The following NR5A2 variants were observed in gnomAD, a reference collection of about 807,000 sequenced individuals.
NR5A2 encodes nuclear receptor subfamily 5 group A member 2, also known as CYP7A promoter-binding factor.
In NR5A2, 26 loss-of-function variants were observed where a neutral mutation model predicts 62.7. The ratio of observed to expected loss-of-function variants is 0.41; its 90% CI spans 0.30 to 0.58. NR5A2 has a LOEUF of 0.58. Among genes scored for constraint, NR5A2 ranks in the 20% least tolerant of loss-of-function variants. The pLI is 0.22. For synonymous variants in NR5A2, 246 were observed against 241.7 expected, an observed-to-expected ratio of 1.02 and a Z score of -0.16; for missense variants, 541 against 669.1, an observed-to-expected ratio of 0.81 and a Z score of 2.11.
At chr1:200,075,476 T>G (rs1291349262) in intron 5 of NR5A2, among the ~76,000 whole-genome samples, 2 of 152,260 alleles carry the variant, frequency 1.3e-5, no homozygotes, top group Non-Finnish European at 2.9e-5. Context: ...TTCAGCAATA[T>G]GCAAATTAAT....
chr1:200,123,501 C>A (rs1413937072), intron 7 of NR5A2, among the ~76,000 whole-genome samples: 1 of 152,154 alleles, frequency 6.6e-6, no homozygotes, highest in Non-Finnish European at 1.5e-5. Flanking sequence ...TCAACACATA[C>A]TCATTGAGTG....
In NR5A2 at chr1:200,066,654, C is replaced by A. The variant is rs181380771; in HGVS notation, c.1110+17836C>A. 1.9e-3 allele frequency among the ~76,000 whole-genome samples: 254 copies of A among 136,662 alleles called. 1 individual carries two copies. Among genetic ancestry groups the A allele is most frequent in the African/African-American group, 7.0e-3 (233 of 33,500 alleles). 89.7% of individuals were successfully genotyped at this position (136,662 alleles called of 152,430 possible). ...CCAGGCTGGGGTGCAATGGCACGATCTCGGCTCACAGCAACCTCTGCCTCC... is the reference window on the plus strand; with the variant it reads ...CCAGGCTGGGGTGCAATGGCACGATATCGGCTCACAGCAACCTCTGCCTCC... On this transcript the variant is annotated intron_variant, in intron 5 of 7. Transcript: ENST00000367362.
At chr1:200,072,184 A>G (rs558192154) in intron 5 of NR5A2, among the ~76,000 whole-genome samples, 2 of 152,096 alleles carry the variant, frequency 1.3e-5, no homozygotes, top group South Asian at 2.1e-4. Context: ...ATACTGGGAA[A>G]CCCTATTGGT....
chr1:200,134,281 C>A (rs891936685), intron 7 of NR5A2, among the ~76,000 whole-genome samples: 2 of 152,178 alleles, frequency 1.3e-5, no homozygotes, highest in South Asian at 2.1e-4. Context: ...CCTGTACCTT[C>A]CCACTCACTC....
intron 5 of NR5A2, among the ~76,000 whole-genome samples, chr1:200,067,288 GGCTCAC>G (rs1423309562): frequency 6.6e-6 from 1 of 152,322 alleles, no homozygotes; most frequent in East Asian, 1.9e-4. Flanking sequence ...TGAGCGCGGT[GGCTCAC>G]GCCTGTAATC....
intron 7 of NR5A2, among the ~76,000 whole-genome samples, chr1:200,168,357 A>G (rs908151336): frequency 6.6e-6 from 1 of 152,022 alleles, no homozygotes; most frequent in Non-Finnish European, 1.5e-5. Context: ...CTACAGGCAC[A>G]CACCACCACA....
rs1289085952 is a variant in NR5A2, at chr1:200,176,068, A to G, written c.*1858A>G. On this transcript the variant is annotated 3_prime_UTR_variant, in exon 8 of 8. Transcript: ENST00000367362. ...AATTAGTGGAACTTAGTTCAGGGACATAGAAGAGTCTTAATGAATTAAAAT... is the reference window on the plus strand; with the variant it reads ...AATTAGTGGAACTTAGTTCAGGGACGTAGAAGAGTCTTAATGAATTAAAAT... 2.6e-5 allele frequency: 4 copies of G among 152,702 alleles called. No individual in the cohort carries two copies. Among genetic ancestry groups the G allele is most frequent in the African/African-American group, 9.6e-5 (4 of 41,480 alleles). 9.5% of individuals were successfully genotyped at this position (152,702 alleles called of 1,614,324 possible).
intron 7 of NR5A2, among the ~76,000 whole-genome samples, chr1:200,169,541 C>T (rs1371432105): frequency 3.3e-5 from 5 of 152,066 alleles, no homozygotes; most frequent in Admixed American, 6.5e-5. Flanking sequence ...AAAGTCAGTA[C>T]TATAATATAT....
chr1:200,097,658 A>G lies in NR5A2; in HGVS notation c.1111-13544A>G, dbSNP rs1418734370. 5.9e-5 allele frequency among the ~76,000 whole-genome samples: 9 copies of G among 152,226 alleles called. 1 individual carries two copies. The South Asian group carries it at 1.7e-3, about 28-fold the overall frequency. ...AGTAAAGGAAAGGCTATCTAGAAAT[A>G]TGGAAGACATAAAGGGATTGTCTTG... On this transcript the variant is annotated intron_variant, in intron 5 of 7. Coordinates refer to ENST00000367362, the MANE Select transcript of NR5A2 (RefSeq NM_205860.3).
intron 7 of NR5A2, among the ~76,000 whole-genome samples, chr1:200,127,313 T>A (rs546927140): frequency 4.6e-5 from 7 of 151,848 alleles, no homozygotes; most frequent in African/African-American, 1.2e-4. Flanking sequence ...CTGCTCAAAA[T>A]TTTTTTTTCA....
intron 7 of NR5A2, among the ~76,000 whole-genome samples, chr1:200,169,006 G>A (rs750291783): frequency 5.3e-5 from 8 of 151,952 alleles, no homozygotes; most frequent in African/African-American, 1.9e-4. Flanking sequence ...GTGCAAAACG[G>A]TACCTCTTTT....
At chr1:200,126,021 A>AT (rs984321670) in intron 7 of NR5A2, among the ~76,000 whole-genome samples, 31 of 151,696 alleles carry the variant, frequency 2.0e-4, no homozygotes, top group African/African-American at 6.5e-4. Flanking sequence ...TAATTTTTTA[A>AT]TTTTTTTATA....
chr1:200,038,415 CTA>C (rs554640179), intron 1 of NR5A2, among the ~76,000 whole-genome samples: 107 of 152,270 alleles, frequency 7.0e-4, no homozygotes, highest in African/African-American at 2.5e-3. Context: ...TCCTCTAATT[CTA>C]TGAGTGAGCT....
At chr1:200,053,223 C>G (rs1052799935) in intron 5 of NR5A2, among the ~76,000 whole-genome samples, 1 of 152,110 alleles carries the variant, frequency 6.6e-6, no homozygotes, top group Admixed American at 6.5e-5. Context: ...TATAAGCGAG[C>G]TGCTTTGTTT....
chr1:200,103,696 C>T (rs1362722186), intron 5 of NR5A2, among the ~76,000 whole-genome samples: 3 of 152,146 alleles, frequency 2.0e-5, no homozygotes. Flanking sequence ...AGGCAACTGC[C>T]CTCAGTTTCT....
At chr1:200,162,441 GGATA>G (rs1329895995) in intron 7 of NR5A2, among the ~76,000 whole-genome samples, 2 of 152,132 alleles carry the variant, frequency 1.3e-5, no homozygotes, top group Non-Finnish European at 2.9e-5. Flanking sequence ...AAATAAAACG[GGATA>G]GATAAACAGG....
chr1:200,156,459 G>A (rs753461151), intron 7 of NR5A2, among the ~76,000 whole-genome samples: 11 of 152,168 alleles, frequency 7.2e-5, no homozygotes, highest in African/African-American at 1.2e-4. Context: ...GTGCAGTGGC[G>A]TGATCTCTGC....
At chr1:200,065,227 A>T (rs531337164) in intron 5 of NR5A2, among the ~76,000 whole-genome samples, 1 of 152,060 alleles carries the variant, frequency 6.6e-6, no homozygotes, top group Non-Finnish European at 1.5e-5. Flanking sequence ...GCTCACTGCA[A>T]CCTCTGCCTG....
At chr1:200,116,856 T>C (rs996086564) in intron 6 of NR5A2, among the ~76,000 whole-genome samples, 1 of 152,186 alleles carries the variant, frequency 6.6e-6, no homozygotes, top group Non-Finnish European at 1.5e-5. Flanking sequence ...AAAATAATAA[T>C]GTACTTTGAA....
Sources: gnomAD v4.1 joint callset for allele counts (sites outside exome capture counted in the v4.1 genomes callset) on GRCh38, gnomAD v4.1.1 for gene constraint, MANE v1.5 for transcripts, NCBI Gene and HGNC (gene_info 2026-07-23, HGNC 2026-07-21) for gene names.